The following MARCHF1 variants were observed in gnomAD, a reference collection of about 807,000 sequenced individuals.
MARCHF1 encodes the protein membrane associated ring-CH-type finger 1.
MARCHF1 carries 40 observed loss-of-function variants against 54.2 expected under a neutral mutation model. The observed-to-expected ratio is 0.74, with a 90% confidence interval of 0.57 to 0.96. The LOEUF (loss-of-function observed/expected upper bound fraction) is 0.96, where lower values mean the gene tolerates loss of function less well. Ranked by LOEUF, MARCHF1 falls within the 40% of genes least tolerant of loss-of-function variation. MARCHF1 has a pLI of 0.00. For synonymous variants in MARCHF1, 236 were observed against 236.3 expected, an observed-to-expected ratio of 1.00 and a Z score of 0.01; for missense variants, 586 against 656.5, an observed-to-expected ratio of 0.89 and a Z score of 1.17.
intron 1 of MARCHF1, among the ~76,000 whole-genome samples, chr4:164,132,003 A>T (rs1197826901): frequency 6.6e-6 from 1 of 152,194 alleles, no homozygotes; most frequent in Admixed American, 6.5e-5. Flanking sequence ...CTACTTGAAA[A>T]GTATTGATTC....
At chr4:163,926,340 C>G (rs1751537484) in intron 3 of MARCHF1, among the ~76,000 whole-genome samples, 1 of 151,630 alleles carries the variant, frequency 6.6e-6, no homozygotes, top group Non-Finnish European at 1.5e-5. Context: ...TTTTCAAAAA[C>G]TTTCTGCATT....
At chr4:163,962,774 T>C (rs1752366623) in intron 3 of MARCHF1, among the ~76,000 whole-genome samples, 1 of 151,952 alleles carries the variant, frequency 6.6e-6, no homozygotes, top group Admixed American at 6.6e-5. Context: ...TCAAATCTTC[T>C]TAAAATCCTA....
At chr4:164,195,981 C>T (rs1055383069) in intron 1 of MARCHF1, among the ~76,000 whole-genome samples, 8 of 152,112 alleles carry the variant, frequency 5.3e-5, no homozygotes, top group African/African-American at 1.9e-4. Flanking sequence ...GAAAAATCAA[C>T]ATAAATATAG....
At chr4:164,015,720 A>G (rs1753525410) in intron 2 of MARCHF1, among the ~76,000 whole-genome samples, 1 of 152,200 alleles carries the variant, frequency 6.6e-6, no homozygotes, top group Non-Finnish European at 1.5e-5. Flanking sequence ...AAAAATGCCC[A>G]GCATCACTAA....
intron 1 of MARCHF1, among the ~76,000 whole-genome samples, chr4:164,221,819 ATTCT>A (rs2111153499): frequency 6.6e-6 from 1 of 152,170 alleles, no homozygotes; most frequent in East Asian, 1.9e-4. Flanking sequence ...GACTGGTTAC[ATTCT>A]GTTAGTCAGA....
At chr4:164,066,876 C>T (rs904297744) in intron 2 of MARCHF1, among the ~76,000 whole-genome samples, 4 of 151,978 alleles carry the variant, frequency 2.6e-5, no homozygotes, top group African/African-American at 7.2e-5. Context: ...TGAAGGGTGG[C>T]GGGTGAGAAG....
chr4:163,533,130 A>T (rs993145335), intron 9 of MARCHF1, among the ~76,000 whole-genome samples: 2 of 151,842 alleles, frequency 1.3e-5, no homozygotes, highest in African/African-American at 4.8e-5. Flanking sequence ...GTGAATGAAT[A>T]AACTGTGATA....
intron 9 of MARCHF1, 104 bp from the exon 10 acceptor site, chr4:163,529,150 T>TTATG (rs1738256020): frequency 1.3e-6 from 1 of 745,456 alleles, no homozygotes; most frequent in Admixed American, 3.1e-5. Flanking sequence ...GCCTTCTAGA[T>TTATG]TATGTATGTT....
chr4:163,733,218 T>TATATATATAC, intron 4 of MARCHF1, among the ~76,000 whole-genome samples: 1 of 27,086 alleles, frequency 3.7e-5, no homozygotes, highest in Non-Finnish European at 1.3e-4. Context: ...TATATATATA[T>TATATATATAC]ATACACGTGT....
Position 163,875,486 on chromosome 4 carries a change from C to G in MARCHF1, c.-38-21317G>C, listed in dbSNP as rs1750268457. ...GAAAGAAAATCCACTCCCTTAATTA[C>G]ATTCCCTGCCACAACATGCTATGAG... On this transcript the variant is annotated intron_variant, in intron 3 of 9. Coordinates refer to ENST00000514618, the MANE Select transcript of MARCHF1 (RefSeq NM_001394959.1). 2.0e-5 allele frequency among the ~76,000 whole-genome samples: 3 copies of G among 152,020 alleles called. No homozygotes were observed. In the South Asian group the frequency reaches 6.2e-4, roughly 32 times the overall value.
intron 5 of MARCHF1, among the ~76,000 whole-genome samples, chr4:163,643,933 G>C (rs1259492486): frequency 6.6e-6 from 1 of 152,112 alleles, no homozygotes; most frequent in Non-Finnish European, 1.5e-5. Context: ...AGAAAGGAAT[G>C]TAAGAGTACA....
At chr4:164,143,189 CGT>C (rs1470689268) in intron 1 of MARCHF1, among the ~76,000 whole-genome samples, 1 of 151,956 alleles carries the variant, frequency 6.6e-6, no homozygotes, top group African/African-American at 2.4e-5. Flanking sequence ...ACCAAATCTA[CGT>C]CTGATTGCTG....
At chr4:163,616,968 A>T (rs943755559) in intron 5 of MARCHF1, among the ~76,000 whole-genome samples, 1 of 152,146 alleles carries the variant, frequency 6.6e-6, no homozygotes, top group Non-Finnish European at 1.5e-5. Context: ...CCCCATGATT[A>T]TTGTAGCATT....
At chr4:164,139,232 GTTC>G (rs946288892) in intron 1 of MARCHF1, among the ~76,000 whole-genome samples, 1 of 152,038 alleles carries the variant, frequency 6.6e-6, no homozygotes, top group Non-Finnish European at 1.5e-5. Flanking sequence ...GAAATGCAGT[GTTC>G]TTTACTTTAA....
intron 1 of MARCHF1, among the ~76,000 whole-genome samples, chr4:164,297,211 T>G (rs998573239): frequency 1.3e-5 from 2 of 152,164 alleles, no homozygotes; most frequent in Admixed American, 6.5e-5. Context: ...CCTAAGTCAT[T>G]AAAAATGGAG....
At chr4:164,160,453 C>T (rs1000970417) in intron 1 of MARCHF1, among the ~76,000 whole-genome samples, 2 of 152,094 alleles carry the variant, frequency 1.3e-5, no homozygotes, top group East Asian at 1.9e-4. Flanking sequence ...GGACCACAGT[C>T]GCATATGTGG....
intron 4 of MARCHF1, among the ~76,000 whole-genome samples, chr4:163,703,410 G>A (rs1381192053): frequency 6.6e-6 from 1 of 152,082 alleles, no homozygotes; most frequent in African/African-American, 2.4e-5. Context: ...AACGTCCAAA[G>A]CAATCTGTCC....
chr4:164,221,460 T>G (rs4608750), intron 1 of MARCHF1, among the ~76,000 whole-genome samples: 29,505 of 151,784 alleles, frequency 0.19, 3,274 homozygotes, highest in Admixed American at 0.31. Context: ...AAAATAAAAT[T>G]CATTAAAAAA....
chr4:164,159,053 G>T (rs976413640), intron 1 of MARCHF1, among the ~76,000 whole-genome samples: 1 of 152,192 alleles, frequency 6.6e-6, no homozygotes, highest in African/African-American at 2.4e-5. Flanking sequence ...CACAGGCTCT[G>T]CAATTAGACA....
Sources: gnomAD v4.1 joint callset for allele counts (sites outside exome capture counted in the v4.1 genomes callset) on GRCh38, gnomAD v4.1.1 for gene constraint, MANE v1.5 for transcripts, NCBI Gene and HGNC (gene_info 2026-07-23, HGNC 2026-07-21) for gene names.